Variants in ACADM observed in about 807,000 individuals in gnomAD.
The protein encoded by ACADM is medium-chain specific acyl-CoA dehydrogenase, mitochondrial.
In ACADM, 49 loss-of-function variants were observed where a neutral mutation model predicts 58.9. The ratio of observed to expected loss-of-function variants is 0.83; its 90% CI spans 0.66 to 1.06. The LOEUF is 1.06. Ranked by LOEUF, ACADM falls within the 50% of genes least tolerant of loss-of-function variation. The pLI is 0.00. For missense variants in ACADM, 496 were observed against 507.0 expected, an observed-to-expected ratio of 0.98 and a Z score of 0.21; for synonymous variants, 160 against 157.7, an observed-to-expected ratio of 1.01 and a Z score of -0.11.
At chr1:75,743,750 T>A in intron 7 of ACADM, 1 of 1,554,528 alleles carries the variant, frequency 6.4e-7, no homozygotes, top group Non-Finnish European at 8.9e-7. Context: ...GTCTGTTCAA[T>A]ATCTGCATAA....
At chr1:75,759,561 C>T (rs1648704330) in intron 10 of ACADM, among the ~76,000 whole-genome samples, 1 of 151,976 alleles carries the variant, frequency 6.6e-6, no homozygotes, top group Non-Finnish European at 1.5e-5. Flanking sequence ...TAATTCTGAG[C>T]CTCTAGAGTC....
At chr1:75,744,586 G>T in intron 7 of ACADM, 1 of 1,330,496 alleles carries the variant, frequency 7.5e-7, no homozygotes, top group Non-Finnish European at 1.1e-6. Flanking sequence ...CTTGCATACA[G>T]TTGTAGTTCT....
At chr1:75,733,222 C>CT in intron 4 of ACADM, 3 of 1,562,448 alleles carry the variant, frequency 1.9e-6, no homozygotes, top group Non-Finnish European at 1.7e-6. Context: ...TTTATTGAGT[C>CT]TTTTTTGTGA....
At chr1:75,740,247 C>G in intron 7 of ACADM, 137 bp downstream of exon 7, 2 of 841,218 alleles carry the variant, frequency 2.4e-6, no homozygotes, top group East Asian at 3.0e-5. Context: ...AGATTATAAA[C>G]AGTTCAGTGA....
chr1:75,744,435 C>T (rs1647772744), intron 7 of ACADM: 2 of 1,510,618 alleles, frequency 1.3e-6, no homozygotes, highest in Non-Finnish European at 1.8e-6. Flanking sequence ...GTGATGGAAC[C>T]TGCACCAATG....
At chr1:75,737,969 T>G (rs896790401) in intron 6 of ACADM, among the ~76,000 whole-genome samples, 7 of 152,142 alleles carry the variant, frequency 4.6e-5, no homozygotes, top group African/African-American at 1.2e-4. Context: ...CAGGTCGGAG[T>G]GCAGTGGTGT....
chr1:75,737,281 TATATATATATATATATATATATATATA>T (rs1325330378), intron 6 of ACADM, among the ~76,000 whole-genome samples: 5 of 20,108 alleles, frequency 2.5e-4, no homozygotes, highest in African/African-American at 5.5e-4. Flanking sequence ...CACACACAAA[TATATATATATATATATATATATATATA>T]TATATATATA....
chr1:75,750,580 A>G (rs2100420641), intron 10 of ACADM, 34 bp downstream of exon 10: 1 of 1,327,850 alleles, frequency 7.5e-7, no homozygotes, highest in Non-Finnish European at 1.1e-6. Flanking sequence ...GTTCAAATGT[A>G]AAGACACTCA....
At chr1:75,728,298 T>C in intron 1 of ACADM, 103 bp from the exon 2 acceptor site, 1 of 845,426 alleles carries the variant, frequency 1.2e-6, no homozygotes. Flanking sequence ...AAACTATGAG[T>C]ATGGTCAAAC....
At chr1:75,750,348 C>T in intron 9 of ACADM, 103 bp from the exon 10 acceptor site, 1 of 949,876 alleles carries the variant, frequency 1.1e-6, no homozygotes, top group South Asian at 1.4e-5. Flanking sequence ...TGTTGCTGTA[C>T]ATCACCTTCT....
intron 7 of ACADM, among the ~76,000 whole-genome samples, chr1:75,742,226 G>A (rs1304213774): frequency 7.1e-6 from 1 of 140,506 alleles, no homozygotes; most frequent in African/African-American, 2.6e-5. Flanking sequence ...AGTGTCAAAT[G>A]TCAGCAGCCT....
intron 6 of ACADM, among the ~76,000 whole-genome samples, chr1:75,737,823 T>A (rs1007135519): frequency 3.3e-5 from 5 of 152,180 alleles, no homozygotes; most frequent in African/African-American, 9.7e-5. Context: ...TACCAGTTCA[T>A]ACTGTAATAG....
At position 75,745,895 on chromosome 1, in the gene ACADM, G is replaced by A; in HGVS notation, c.689G>A (p.Gly230Glu). Residue 230 changes from glycine to glutamate, a missense_variant, in exon 8 of 12, where the codon GGA (glycine) becomes GAA (glutamate). Gly to Glu is a moderately conservative substitution (Grantham distance 98). Transcript: ENST00000370841. ...TTCATTGTGGAAGCAGATACCCCAGGAATTCAGATTGGGAGAAAGGTAAAG... is the reference window on the plus strand; with the variant it reads ...TTCATTGTGGAAGCAGATACCCCAGAAATTCAGATTGGGAGAAAGGTAAAG... ...TGFIVEADTP[G>E]IQIGRKELNM... is the part of the protein sequence containing the mutation. 2 of 1,612,204 alleles carry A rather than the reference G, an allele frequency of 1.2e-6. No individual in the cohort carries two copies. The highest frequency in any genetic ancestry group is 1.7e-6 in the Non-Finnish European group (2 of 1,178,480).
chr1:75,759,226 G>A (rs1648685707), intron 10 of ACADM, among the ~76,000 whole-genome samples: 1 of 152,176 alleles, frequency 6.6e-6, no homozygotes, highest in Non-Finnish European at 1.5e-5. Flanking sequence ...GGGTGTTCAT[G>A]GAGGCTTCAT....
intron 7 of ACADM, among the ~76,000 whole-genome samples, chr1:75,741,350 A>G (rs1647558261): frequency 1.3e-5 from 2 of 152,230 alleles, no homozygotes; most frequent in African/African-American, 2.4e-5. Flanking sequence ...ATGGAGTGCT[A>G]TATCTTTACC....
chr1:75,734,707 T>G (rs1647210326), intron 5 of ACADM, 84 bp from the exon 6 acceptor site: 5 of 1,131,332 alleles, frequency 4.4e-6, no homozygotes, highest in Non-Finnish European at 6.5e-6. Context: ...AAATAGTTAT[T>G]TTTTCATTTT....
intron 2 of ACADM, among the ~76,000 whole-genome samples, chr1:75,730,496 A>C (rs1647130216): frequency 6.6e-6 from 1 of 152,016 alleles, no homozygotes; most frequent in South Asian, 2.1e-4. Context: ...GACTGGATCA[A>C]AGTAGTTTCT....
intron 5 of ACADM, among the ~76,000 whole-genome samples, chr1:75,734,398 A>G (rs1647204782): frequency 6.9e-6 from 1 of 145,574 alleles, no homozygotes; most frequent in African/African-American, 2.5e-5. Context: ...GATGGTCTCT[A>G]TCTCTTGACC....
intron 10 of ACADM, among the ~76,000 whole-genome samples, chr1:75,760,264 C>CAAAAAAAAA (rs764807575): frequency 1.7e-3 from 85 of 51,122 alleles, no homozygotes; most frequent in Non-Finnish European, 2.4e-3. Flanking sequence ...ACTAAAAATA[C>CAAAAAAAAA]AAAAAAAAAA....
Sources: allele counts gnomAD v4.1 joint callset (sites outside exome capture counted in the v4.1 genomes callset), GRCh38; gene constraint gnomAD v4.1.1; transcripts MANE v1.5; gene names NCBI Gene and HGNC (gene_info 2026-07-23, HGNC 2026-07-21).